RYR3: variants seen among roughly 807,000 people sequenced by gnomAD.
The protein encoded by RYR3 is brain ryanodine receptor-calcium release channel.
A neutral mutation model predicts 584.3 loss-of-function variants in RYR3; 207 were observed. That is an observed-to-expected ratio of 0.35 (90% CI 0.32 to 0.40). The LOEUF is 0.40. Among genes scored for constraint, RYR3 ranks in the 10% least tolerant of loss-of-function variants. The pLI is 1.00. For missense variants in RYR3, 5,616 were observed against 6,089.2 expected, an observed-to-expected ratio of 0.92 and a Z score of 2.59; for synonymous variants, 2,416 against 2,248.5, an observed-to-expected ratio of 1.07 and a Z score of -2.11.
Position 33,311,155 on chromosome 15 carries a change from C to T in RYR3, c.51+59C>T, listed in dbSNP as rs151224621. On this transcript the variant is annotated intron_variant, in intron 1 of 103. Transcript: ENST00000634891. The surrounding 1 kb of genome is among the most constrained non-coding windows in gnomAD (Gnocchi z 4.4). ...AGGTGGGGAGGAGCGCGGAGCGCGG[C>T]GAGGAGGGGCTGGCTGCGCTGCGCC... 2.6e-3 allele frequency: 3,579 copies of T among 1,356,460 alleles called. 68 individuals carry two copies. In the East Asian group the frequency reaches 0.033, roughly 12 times the overall value. The allele number at this position is 1,356,460 out of a possible 1,614,324, so 84.0% of individuals were successfully genotyped here.
At chr15:33,644,618 C>T in intron 28 of RYR3, 99 bp downstream of exon 28, 6 of 874,126 alleles carry the variant, frequency 6.9e-6, no homozygotes, top group Non-Finnish European at 1.1e-5. Context: ...TTACCTAAGT[C>T]TATGCCCTGG....
In RYR3 at chr15:33,780,283, C is replaced by G. The variant is rs773463352; in HGVS notation, c.9210C>G (p.Thr3070=). ...AAIPVAFLEP[T]LNRYNPLSVF... ...TACCAGTGGCATTCCTGGAGCCCAC[C>G]CTTAATCGCTACAATCCACTCTCGG... is the stretch of plus-strand genomic sequence containing the variant. Residue 3070 remains threonine, a synonymous_variant, in exon 65 of 104, where the codon ACC becomes ACG. Transcript: ENST00000634891. 2 of 1,613,906 alleles carry G rather than the reference C, an allele frequency of 1.2e-6. No individual in the cohort carries two copies. Among genetic ancestry groups the G allele is most frequent in the South Asian group, 2.2e-5 (2 of 91,062 alleles).
intron 89 of RYR3, 31 bp from the exon 90 acceptor site, chr15:33,840,794 G>A (rs752188502): frequency 1.2e-5 from 19 of 1,610,890 alleles, no homozygotes; most frequent in Non-Finnish European, 1.6e-5. Context: ...CTTCTTTGAG[G>A]AAAGCTTGAC....
intron 20 of RYR3, among the ~76,000 whole-genome samples, chr15:33,624,319 A>G (rs1197505275): frequency 6.6e-6 from 1 of 151,588 alleles, no homozygotes; most frequent in African/African-American, 2.4e-5. Flanking sequence ...AAGCAAATGT[A>G]TTATTTTTTT....
Position 33,581,561 on chromosome 15 carries a change from C to G in RYR3, c.1491C>G (p.Ser497Arg). The change falls in exon 14 of 104, where the codon AGC (serine) becomes AGG (arginine). Residue 497 changes from serine to arginine, a missense_variant. By Grantham distance (110) the Ser-to-Arg change is moderately radical. This residue lies in a region of RYR3 where 1,284 missense variants were observed against 1,344.6 expected (regional missense o/e 0.95). Transcript: ENST00000634891. Reference sequence around the variant, plus strand: ...TTGACCGCTTAAATGTCTACAATAGCGTAGCACACTTTGCAGGGATTGCAA... The same window carrying G: ...TTGACCGCTTAAATGTCTACAATAGGGTAGCACACTTTGCAGGGATTGCAA... Reference protein sequence around the residue: ...NCIDRLNVYNSVAHFAGIARE... With the variant: ...NCIDRLNVYNRVAHFAGIARE... 1.2e-6 allele frequency: 2 copies of G among 1,613,036 alleles called. No individual in the cohort carries two copies. The highest frequency in any genetic ancestry group is 1.7e-6 in the Non-Finnish European group (2 of 1,179,056).
At chr15:33,689,772 G>A (rs1472157483) in intron 38 of RYR3, among the ~76,000 whole-genome samples, 1 of 67,572 alleles carries the variant, frequency 1.5e-5, no homozygotes, top group Non-Finnish European at 3.5e-5. Context: ...CTTATGAATT[G>A]TCTTATTTCC....
intron 47 of RYR3, 100 bp from the exon 48 acceptor site, chr15:33,731,374 A>G: frequency 1.3e-6 from 1 of 774,544 alleles, no homozygotes; most frequent in Non-Finnish European, 2.2e-6. Context: ...ACGTGGACAT[A>G]TATAAGCTCC....
At chr15:33,475,647 G>A (rs775439415) in intron 2 of RYR3, among the ~76,000 whole-genome samples, 4 of 152,186 alleles carry the variant, frequency 2.6e-5, no homozygotes, top group Non-Finnish European at 5.9e-5. Context: ...GGCACAGGCT[G>A]TGAGCCAGAC....
At chr15:33,370,787 A>G (rs2040275004) in intron 1 of RYR3, among the ~76,000 whole-genome samples, 1 of 152,136 alleles carries the variant, frequency 6.6e-6, no homozygotes, top group African/African-American at 2.4e-5. Context: ...CTTCAAAGCA[A>G]TTTTAGGCAA....
chr15:33,758,232 G>A (rs778735969), intron 60 of RYR3, among the ~76,000 whole-genome samples: 1 of 152,166 alleles, frequency 6.6e-6, no homozygotes, highest in Non-Finnish European at 1.5e-5. Flanking sequence ...GGCAGACACT[G>A]AGCTAGCTGC....
chr15:33,706,927 C>A lies in RYR3; in HGVS notation c.6492C>A (p.Thr2164=). The A allele has an allele frequency of 6.2e-7, 1 of 1,605,914 alleles. No individual in the cohort carries two copies. The highest frequency in any genetic ancestry group is 8.5e-7 in the Non-Finnish European group (1 of 1,175,758). Residue 2164 remains threonine, a synonymous_variant, in exon 43 of 104, where the codon ACC becomes ACA. Coordinates refer to ENST00000634891, the MANE Select transcript of RYR3 (RefSeq NM_001036.6). ...TGTACTGTTTCTGGCAGGTGGTGAC[C>A]TACTTGGCAGGCTGTGGCCTACAGA... is the stretch of plus-strand genomic sequence containing the variant. The part of the protein sequence containing the change: ...LEEPDLEKVV[T]YLAGCGLQSC...
intron 3 of RYR3, among the ~76,000 whole-genome samples, chr15:33,522,601 G>C (rs988635019): frequency 1.3e-5 from 2 of 152,216 alleles, no homozygotes; most frequent in Non-Finnish European, 2.9e-5. Context: ...GAGGTAGAGA[G>C]AATCTTTGTT....
intron 10 of RYR3, among the ~76,000 whole-genome samples, chr15:33,560,083 G>C (rs1459460084): frequency 3.3e-5 from 5 of 152,192 alleles, no homozygotes; most frequent in Non-Finnish European, 7.3e-5. Context: ...CTAGCAGTAG[G>C]GTGACTGCAG....
chr15:33,502,289 A>G (rs1322423286), intron 2 of RYR3, among the ~76,000 whole-genome samples: 1 of 152,206 alleles, frequency 6.6e-6, no homozygotes, highest in African/African-American at 2.4e-5. Flanking sequence ...AAGATGGTCA[A>G]TTCCATTATT....
intron 9 of RYR3, among the ~76,000 whole-genome samples, chr15:33,549,639 G>A (rs530704676): frequency 3.2e-4 from 49 of 152,264 alleles, no homozygotes; most frequent in Admixed American, 1.2e-3. Context: ...ATTTTCCATA[G>A]AATTTATCCT....
intron 43 of RYR3, among the ~76,000 whole-genome samples, chr15:33,719,049 A>G (rs2067706127): frequency 6.6e-6 from 1 of 152,214 alleles, no homozygotes; most frequent in African/African-American, 2.4e-5. Flanking sequence ...GTAATTAGGA[A>G]GAGACTGTCT....
chr15:33,496,813 A>G (rs1446025760), intron 2 of RYR3, among the ~76,000 whole-genome samples: 2 of 152,134 alleles, frequency 1.3e-5, no homozygotes, highest in African/African-American at 4.8e-5. Context: ...TCCCTGGGAA[A>G]GTTCCTGCAC....
intron 60 of RYR3, among the ~76,000 whole-genome samples, chr15:33,766,255 C>T (rs2073050478): frequency 6.7e-6 from 1 of 149,494 alleles, no homozygotes; most frequent in Admixed American, 6.7e-5. Context: ...TATACTCCAG[C>T]CTGGACAAGA....
chr15:33,429,193 A>G (rs1234187677), intron 1 of RYR3, among the ~76,000 whole-genome samples: 3 of 152,206 alleles, frequency 2.0e-5, no homozygotes, highest in African/African-American at 7.2e-5. Context: ...AGCAATTTTA[A>G]GAGTTGTTCC....
Sources: allele counts gnomAD v4.1 joint callset (sites outside exome capture counted in the v4.1 genomes callset), GRCh38; gene constraint gnomAD v4.1.1; regional missense constraint gnomAD v4.1.1; non-coding constraint Gnocchi (gnomAD v3.1); transcripts MANE v1.5; gene names NCBI Gene and HGNC (gene_info 2026-07-23, HGNC 2026-07-21).